Variants in XDH observed in about 807,000 individuals in gnomAD.
XDH encodes xanthine dehydrogenase/oxidase.
XDH carries 138 observed loss-of-function variants against 156.1 expected under a neutral mutation model. The ratio of observed to expected loss-of-function variants is 0.88; its 90% confidence interval spans 0.77 to 1.02. The LOEUF (loss-of-function observed/expected upper bound fraction) is 1.02, where lower values mean the gene tolerates loss of function less well. XDH is among the 50% of genes least tolerant of loss of function. The pLI is 0.00. For missense variants in XDH, 1,849 were observed against 1,684.9 expected (o/e 1.10, Z -1.71); for synonymous variants, 669 against 625.7 (o/e 1.07, Z -1.03).
At chr2:31,338,537 G>T (rs1685030075) in intron 34 of XDH, among the ~76,000 whole-genome samples, 1 of 152,034 alleles carries the variant, frequency 6.6e-6, no homozygotes, top group African/African-American at 2.4e-5. Context: ...ACCCACTATG[G>T]TAAAGTAAAC....
At chr2:31,348,192 G>T in intron 28 of XDH, 76 bp downstream of exon 28, 2 of 1,471,102 alleles carry the variant, frequency 1.4e-6, no homozygotes, top group Non-Finnish European at 1.9e-6. Context: ...CTTCTGCTCT[G>T]ATAGGTCCCA....
chr2:31,397,366 C>A lies in XDH; in HGVS notation c.495+302G>T, dbSNP rs537472711. Among the ~76,000 whole-genome samples, 6 of 152,360 alleles carry A rather than the reference C, an allele frequency of 3.9e-5. No homozygotes were observed. The South Asian group carries it at 6.2e-4, about 16-fold the overall frequency. ...GAGCCTGCCAGTCTCCAAGGGAAAG[C>A]TGCCAAGCCCAAAGGCACTGCCAAG... On this transcript the variant is annotated intron_variant, in intron 6 of 35. Coordinates refer to ENST00000379416, the MANE Select transcript of XDH (RefSeq NM_000379.4).
At position 31,339,565 on chromosome 2, in the gene XDH, A is replaced by G; in HGVS notation, c.3698T>C (p.Phe1233Ser). The G allele has an allele frequency of 1.2e-6, 2 of 1,614,198 alleles. No individual in the cohort carries two copies. Among genetic ancestry groups the G allele is most frequent in the Non-Finnish European group, 1.7e-6 (2 of 1,180,034 alleles). ...RGPSTYKIPA[F>S]GSIPIEFRVS... ...CCTGAACTCAATGGGGATGCTGCCA[A>G]ATGCCGGGATCTTGTAGGTGCTAGG... is the stretch of plus-strand genomic sequence containing the variant. The change falls in exon 34 of 36, where the codon TTT (phenylalanine) becomes TCT (serine). Residue 1233 changes from phenylalanine (F) to serine (S), a missense_variant. Transcript: ENST00000379416.
intron 8 of XDH, 46 bp from the exon 9 acceptor site, chr2:31,386,601 G>A: frequency 6.2e-7 from 1 of 1,612,752 alleles, no homozygotes; most frequent in South Asian, 1.1e-5. Context: ...TCTTCCTACT[G>A]TCATTCCTCT....
chr2:31,338,714 CTTTTTTTTT>C (rs57389753), intron 34 of XDH, among the ~76,000 whole-genome samples: 2 of 62,152 alleles, frequency 3.2e-5, no homozygotes, highest in Non-Finnish European at 5.3e-5. Context: ...CTGACCAAGT[CTTTTTTTTT>C]TTTTTTTTTT....
Position 31,401,447 on chromosome 2 carries a change from A to C in XDH, c.198-119T>G, listed in dbSNP as rs559204049. The C allele has an allele frequency of 1.7e-4, 183 of 1,058,626 alleles. 2 individuals carry two copies. In the South Asian group the frequency reaches 2.4e-3, roughly 14 times the overall value. The allele number at this position is 1,058,626 out of a possible 1,614,324, so 65.6% of individuals were successfully genotyped here. A position where few individuals can be genotyped will look rare whatever the true frequency, so the allele number is the denominator to read the frequency against. ...ATGTTACGTCTCTCCGCTCCCATTT[A>C]TGTTCTTGTCTCTTCTACCAGTGTC... On this transcript the variant is annotated intron_variant, in intron 3 of 35. Coordinates refer to ENST00000379416, the MANE Select transcript of XDH (RefSeq NM_000379.4).
At chr2:31,341,749 G>A (rs1037207886) in intron 32 of XDH, among the ~76,000 whole-genome samples, 15 of 152,168 alleles carry the variant, frequency 9.9e-5, no homozygotes, top group African/African-American at 1.7e-4. Context: ...AATATACTAC[G>A]TTCCATGGGC....
In XDH at chr2:31,403,129, G is replaced by GT. The variant is rs1283863399; in HGVS notation, c.115dup (p.Thr39AsnfsTer21). 1 of 1,614,182 alleles carries GT rather than the reference G, an allele frequency of 6.2e-7. No homozygotes were observed. The highest frequency in any genetic ancestry group is 8.5e-7 in the Non-Finnish European group (1 of 1,180,028). On this transcript the variant is annotated frameshift_variant, in exon 3 of 36. Coordinates refer to ENST00000379416, the MANE Select transcript of XDH (RefSeq NM_000379.4). LOFTEE classifies it high-confidence loss of function. ...GCCCCCCTCTCCACAGCCGAGCTTG[G>GT]TTCCACTCAGCCCCACTGGGTGGTC... is the stretch of plus-strand genomic sequence containing the variant.
chr2:31,338,714 C>CTTT lies in XDH; in HGVS notation c.3774+772_3774+774dup, dbSNP rs57389753. ...CAATCCTCCAGGCATCTGACCAAGT[C>CTTT]TTTTTTTTTTTTTTTTTTTTTTTTT... On this transcript the variant is annotated intron_variant, in intron 34 of 35. Transcript: ENST00000379416. Among the ~76,000 whole-genome samples, 412 of 62,182 alleles carry CTTT rather than the reference C, an allele frequency of 6.6e-3. 68 individuals carry two copies. The highest frequency in any genetic ancestry group is 0.017 in the African/African-American group (246 of 14,078). 40.8% of individuals were successfully genotyped at this position (62,182 alleles called of 152,430 possible). A position where few individuals can be genotyped will look rare whatever the true frequency, so the allele number is the denominator to read the frequency against.
chr2:31,399,543 G>C (rs1224159680), intron 4 of XDH, among the ~76,000 whole-genome samples: 1 of 152,192 alleles, frequency 6.6e-6, no homozygotes, highest in Non-Finnish European at 1.5e-5. Context: ...GGATAGGGAG[G>C]ATTTTAGGTT....
chr2:31,366,413 C>A (rs909238023), intron 21 of XDH, among the ~76,000 whole-genome samples: 2 of 152,182 alleles, frequency 1.3e-5, no homozygotes, highest in African/African-American at 2.4e-5. Context: ...AAAACACTGG[C>A]AACCGCTGTC....
In XDH at chr2:31,348,949, T is replaced by C. The variant is rs765776106; in HGVS notation, c.3001A>G (p.Ile1001Val). Residue 1001 changes from isoleucine (I) to valine (V), a missense_variant, in exon 27 of 36, where the codon ATA becomes GTA. By Grantham distance (29) the Ile-to-Val change is conservative (BLOSUM62 3). Coordinates refer to ENST00000379416, the MANE Select transcript of XDH (RefSeq NM_000379.4). ...ENCWKKRGLC[I>V]IPTKFGISFT... ...CTTATTCCAAACTTGGTGGGAATTA[T>C]GCACAATCCTCTCTTTTTCCAACAA... 1.9e-6 allele frequency: 3 copies of C among 1,613,536 alleles called. No homozygotes were observed. Among genetic ancestry groups the C allele is most frequent in the Admixed American group, 3.3e-5 (2 of 60,030 alleles).
chr2:31,392,228 A>C lies in XDH; in HGVS notation c.496-3933T>G, dbSNP rs190095489. Among the ~76,000 whole-genome samples, 10 of 151,552 alleles carry C rather than the reference A, an allele frequency of 6.6e-5. 1 individual carries two copies. In the East Asian group the frequency reaches 1.4e-3, roughly 21 times the overall value. On this transcript the variant is annotated intron_variant, in intron 6 of 35. Coordinates refer to ENST00000379416, the MANE Select transcript of XDH (RefSeq NM_000379.4). Reference sequence around the variant, plus strand: ...GCCTGGCCAGAGGCTTATTAATTTCATTGATCTTTTTAAGGACCCAAATTT... The same window carrying C: ...GCCTGGCCAGAGGCTTATTAATTTCCTTGATCTTTTTAAGGACCCAAATTT...
chr2:31,369,644 T>C (rs1467905851), intron 18 of XDH, among the ~76,000 whole-genome samples: 2 of 152,240 alleles, frequency 1.3e-5, no homozygotes, highest in South Asian at 2.1e-4. Context: ...CTAGCCATAA[T>C]GCTAGCACTG....
intron 25 of XDH, 70 bp downstream of exon 25, chr2:31,349,962 A>G: frequency 6.2e-7 from 1 of 1,611,860 alleles, no homozygotes; most frequent in Non-Finnish European, 8.5e-7. Flanking sequence ...GAGATGCCCA[A>G]GATACAAAGC....
intron 6 of XDH, among the ~76,000 whole-genome samples, chr2:31,391,700 T>C (rs1169593762): frequency 6.6e-6 from 1 of 152,230 alleles, no homozygotes; most frequent in Non-Finnish European, 1.5e-5. Flanking sequence ...CTCACATAAA[T>C]CTTGTACACA....
Position 31,337,684 on chromosome 2 carries a change from G to A in XDH, c.3908C>T (p.Pro1303Leu), listed in dbSNP as rs763712363. 2.1e-5 allele frequency: 34 copies of A among 1,614,092 alleles called. 1 individual carries two copies. The highest frequency in any genetic ancestry group is 1.9e-4 in the African/African-American group (14 of 74,940). Residue 1303 changes from proline (P) to leucine (L), a missense_variant, in exon 35 of 36, where the codon CCG (proline) becomes CTG (leucine). Transcript: ENST00000379416. The part of the protein sequence containing the change: ...ELFRLDSPAT[P>L]EKIRNACVDK... ...CACGCAGGCATTGCGGATCTTCTCCGGGGTGGCAGGGCTGTCTAGCCGGAA... is the reference window on the plus strand; with the variant it reads ...CACGCAGGCATTGCGGATCTTCTCCAGGGTGGCAGGGCTGTCTAGCCGGAA...
chr2:31,366,496 C>T (rs1685918481), intron 21 of XDH, among the ~76,000 whole-genome samples: 1 of 152,210 alleles, frequency 6.6e-6, no homozygotes, highest in Non-Finnish European at 1.5e-5. Context: ...GTGGCTATGA[C>T]TTAATCCAAC....
intron 32 of XDH, among the ~76,000 whole-genome samples, chr2:31,341,650 AAC>A (rs1476016698): frequency 6.6e-6 from 1 of 152,126 alleles, no homozygotes; most frequent in Non-Finnish European, 1.5e-5. Context: ...AACTGGGAAT[AAC>A]ACACATTCAT....
Sources: gnomAD v4.1 joint callset for allele counts (sites outside exome capture counted in the v4.1 genomes callset) on GRCh38, gnomAD v4.1.1 for gene constraint, MANE v1.5 for transcripts, NCBI Gene and HGNC (gene_info 2026-07-23, HGNC 2026-07-21) for gene names.